Variants in ICA1L observed in about 807,000 individuals in gnomAD.
ICA1L encodes islet cell autoantigen 1-like protein.
A neutral mutation model predicts 61.3 loss-of-function variants in ICA1L; 50 were observed. That is an observed-to-expected ratio of 0.82 (90% CI 0.65 to 1.03). The LOEUF (loss-of-function observed/expected upper bound fraction) is 1.03. Among genes scored for constraint, ICA1L ranks in the 50% least tolerant of loss-of-function variants. The pLI is 0.00. For missense variants in ICA1L, 508 were observed against 556.7 expected (o/e 0.91, Z 0.88); for synonymous variants, 161 against 191.3 (o/e 0.84, Z 1.31).
intron 10 of ICA1L, among the ~76,000 whole-genome samples, chr2:202,793,493 C>A (rs1444364678): frequency 7.6e-5 from 3 of 39,284 alleles, no homozygotes; most frequent in African/African-American, 3.1e-4. Context: ...CCCGTCTCTA[C>A]TAAAAAAAAA....
At chr2:202,813,869 A>C (rs1453031560) in intron 8 of ICA1L, among the ~76,000 whole-genome samples, 1 of 152,140 alleles carries the variant, frequency 6.6e-6, no homozygotes, top group Non-Finnish European at 1.5e-5. Flanking sequence ...GTTATTCTGG[A>C]AACAGATTTC....
At chr2:202,815,474 A>G (rs1693507362) in intron 7 of ICA1L, among the ~76,000 whole-genome samples, 1 of 152,196 alleles carries the variant, frequency 6.6e-6, no homozygotes, top group African/African-American at 2.4e-5. Context: ...AAAGTAAAAC[A>G]AAGTTTTTCT....
At chr2:202,781,487 T>C (rs1692403260) in intron 12 of ICA1L, among the ~76,000 whole-genome samples, 1 of 151,758 alleles carries the variant, frequency 6.6e-6, no homozygotes, top group Middle Eastern at 3.4e-3. Context: ...GGCATGAGAA[T>C]TGCTTGAATC....
chr2:202,803,307 AG>A (rs1693136059), intron 9 of ICA1L, among the ~76,000 whole-genome samples: 1 of 150,064 alleles, frequency 6.7e-6, no homozygotes, highest in African/African-American at 2.4e-5. Context: ...AGGCCGAAGC[AG>A]GAGAATCTCT....
intron 1 of ICA1L, among the ~76,000 whole-genome samples, chr2:202,843,054 G>T (rs1425402969): frequency 6.6e-6 from 1 of 151,922 alleles, no homozygotes; most frequent in Non-Finnish European, 1.5e-5. Flanking sequence ...TCAGTGAAAT[G>T]TTTCTCTGTA....
intron 1 of ICA1L, among the ~76,000 whole-genome samples, chr2:202,834,880 G>C (rs1004261218): frequency 4.0e-5 from 6 of 151,858 alleles, no homozygotes; most frequent in Non-Finnish European, 8.8e-5. Context: ...GCCTGGGTTA[G>C]AGTACAGTGG....
At chr2:202,846,162 T>G (rs1475779183) in intron 1 of ICA1L, among the ~76,000 whole-genome samples, 1 of 152,220 alleles carries the variant, frequency 6.6e-6, no homozygotes, top group Non-Finnish European at 1.5e-5. Context: ...ACAATTAACA[T>G]GTATAACTAT....
At chr2:202,827,059 T>C (rs945215912) in intron 2 of ICA1L, among the ~76,000 whole-genome samples, 2 of 152,184 alleles carry the variant, frequency 1.3e-5, no homozygotes, top group African/African-American at 4.8e-5. Flanking sequence ...GATTTGGCAA[T>C]TGTAAAATCT....
At chr2:202,869,853 CAAGT>C (rs1687645415) in intron 1 of ICA1L, among the ~76,000 whole-genome samples, 1 of 151,070 alleles carries the variant, frequency 6.6e-6, no homozygotes, top group African/African-American at 2.4e-5. Flanking sequence ...ATACTGGATC[CAAGT>C]ACAAGTTTGA....
At position 202,815,969 on chromosome 2, in the gene ICA1L, ATCAT is replaced by A. The variant is rs1291872460; in HGVS notation, c.721_724del (p.Met241CysfsTer17). 6.2e-7 allele frequency: 1 copy of A among 1,605,448 alleles called. No homozygotes were observed. The highest frequency in any genetic ancestry group is 2.3e-5 in the East Asian group (1 of 44,106). On this transcript the variant is annotated frameshift_variant, in exon 7 of 13. Coordinates refer to ENST00000358299, the MANE Select transcript of ICA1L (RefSeq NM_001288622.3). LOFTEE classifies it high-confidence loss of function. ...AATACAGGCTTCATGAATTTGGGAC[ATCAT>A]TCGAGCTGTTTTCTTCCAGAATCCA...
chr2:202,852,385 T>A (rs13398418), intron 1 of ICA1L, among the ~76,000 whole-genome samples: 38,986 of 151,846 alleles, frequency 0.26, 5,567 homozygotes, highest in East Asian at 0.52. Flanking sequence ...AGTGCTCCCA[T>A]TTCAGCCGGG....
At chr2:202,791,066 T>G (rs760849220) in intron 10 of ICA1L, among the ~76,000 whole-genome samples, 15 of 152,240 alleles carry the variant, frequency 9.9e-5, no homozygotes, top group Non-Finnish European at 1.8e-4. Flanking sequence ...TTATAGTGTA[T>G]GAGTCTCAAC....
chr2:202,859,541 C>G (rs755128536), intron 1 of ICA1L, among the ~76,000 whole-genome samples: 3 of 152,124 alleles, frequency 2.0e-5, no homozygotes, highest in Non-Finnish European at 2.9e-5. Flanking sequence ...AATTCAATTA[C>G]ATTAAATGCA....
At chr2:202,799,991 C>G (rs568861823) in intron 9 of ICA1L, among the ~76,000 whole-genome samples, 14 of 151,922 alleles carry the variant, frequency 9.2e-5, no homozygotes, top group African/African-American at 3.1e-4. Flanking sequence ...GATTCTCCTG[C>G]CTCAGCCTCC....
chr2:202,801,909 A>G (rs1244681983), intron 9 of ICA1L, among the ~76,000 whole-genome samples: 2 of 152,246 alleles, frequency 1.3e-5, no homozygotes, highest in Non-Finnish European at 2.9e-5. Flanking sequence ...TTTGCAAAAA[A>G]TTATCTAGGC....
chr2:202,829,164 C>T (rs767301912), intron 1 of ICA1L, 148 bp from the exon 2 acceptor site: 6 of 477,972 alleles, frequency 1.3e-5, no homozygotes, highest in Non-Finnish European at 2.1e-5. Context: ...CTGGCTAACA[C>T]GGTGAAACCC....
At chr2:202,847,783 ATG>A (rs1368358685) in intron 1 of ICA1L, among the ~76,000 whole-genome samples, 222 of 150,550 alleles carry the variant, frequency 1.5e-3, no homozygotes, top group African/African-American at 5.3e-3. Flanking sequence ...AGGCACTTGT[ATG>A]TTCACTGCAG....
Position 202,797,074 on chromosome 2 carries a change from G to A in ICA1L, c.911-110C>T, listed in dbSNP as rs542943506. The A allele has an allele frequency of 6.9e-5, 40 of 577,818 alleles. No homozygotes were observed. The Admixed American group carries it at 8.5e-4, about 12-fold the overall frequency. 35.8% of individuals were successfully genotyped at this position (577,818 alleles called of 1,614,324 possible). A position where few individuals can be genotyped will look rare whatever the true frequency, so the allele number is the denominator to read the frequency against. On this transcript the variant is annotated intron_variant, in intron 9 of 12. Transcript: ENST00000358299. ...GTGTTCAATTGACCAAATCAGAATC[G>A]AAAACATACAAAAGGGAAACATAAA...
chr2:202,824,542 T>G (rs539907447), intron 3 of ICA1L, among the ~76,000 whole-genome samples: 15 of 152,296 alleles, frequency 9.8e-5, no homozygotes, highest in Non-Finnish European at 1.6e-4. Flanking sequence ...TTGTATTTTT[T>G]GTACCCTCTG....
Sources: allele counts gnomAD v4.1 joint callset (sites outside exome capture counted in the v4.1 genomes callset), GRCh38; gene constraint gnomAD v4.1.1; transcripts MANE v1.5; gene names NCBI Gene and HGNC (gene_info 2026-07-23, HGNC 2026-07-21).